UBA6: variants seen among roughly 807,000 people sequenced by gnomAD.
UBA6 encodes ubiquitin-like modifier-activating enzyme 6.
Under a neutral mutation model 148.3 loss-of-function variants are expected in UBA6, and 87 were observed. The ratio of observed to expected loss-of-function variants is 0.59; its 90% CI spans 0.49 to 0.70. The LOEUF is 0.70. Ranked by LOEUF, UBA6 falls within the 30% of genes least tolerant of loss-of-function variation. The probability of loss-of-function intolerance (pLI) is 0.00; values close to 1 mark genes in which losing one functional copy is unlikely to be tolerated. For synonymous variants in UBA6, 376 were observed against 401.0 expected (o/e 0.94, Z 0.75); for missense variants, 1,186 against 1,241.2 (o/e 0.96, Z 0.67).
At chr4:67,651,976 A>G in intron 13 of UBA6, among the ~76,000 whole-genome samples, 1 of 151,650 alleles carries the variant, frequency 6.6e-6, no homozygotes, top group East Asian at 1.9e-4. Flanking sequence ...AAAGTCATGT[A>G]CACTGATCTG....
At chr4:67,632,498 T>A (rs1001433117) in intron 23 of UBA6, among the ~76,000 whole-genome samples, 30 of 151,958 alleles carry the variant, frequency 2.0e-4, no homozygotes, top group Non-Finnish European at 3.5e-4. Flanking sequence ...AAAAAAAGTT[T>A]AAAAAAAATG....
chr4:67,698,304 T>C (rs1269560395), intron 1 of UBA6, among the ~76,000 whole-genome samples: 1 of 152,190 alleles, frequency 6.6e-6, no homozygotes, highest in Non-Finnish European at 1.5e-5. Flanking sequence ...GTTAACTGTC[T>C]GCCACTACTA....
At chr4:67,697,246 C>G (rs898923147) in intron 1 of UBA6, among the ~76,000 whole-genome samples, 11 of 152,184 alleles carry the variant, frequency 7.2e-5, no homozygotes, top group Non-Finnish European at 1.6e-4. Flanking sequence ...CTCAAGAGAT[C>G]CACCCGCCTC....
At chr4:67,699,554 T>C (rs1379291874) in intron 1 of UBA6, among the ~76,000 whole-genome samples, 1 of 97,298 alleles carries the variant, frequency 1.0e-5, no homozygotes, top group Non-Finnish European at 2.4e-5. Context: ...ATACACAATA[T>C]ACCCTGTTTG....
intron 2 of UBA6, among the ~76,000 whole-genome samples, chr4:67,686,342 C>G (rs1418797130): frequency 6.6e-6 from 1 of 152,132 alleles, no homozygotes; most frequent in Non-Finnish European, 1.5e-5. Flanking sequence ...CAATTCCAAG[C>G]ATAACATCAT....
chr4:67,646,926 AAT>A (rs1334177654), intron 14 of UBA6, 135 bp from the exon 15 acceptor site: 1 of 253,760 alleles, frequency 3.9e-6, no homozygotes, highest in Non-Finnish European at 7.1e-6. Flanking sequence ...AATATTTAAA[AAT>A]ATAATTAAAA....
At chr4:67,637,595 ATTC>A (rs1264878703) in intron 19 of UBA6, among the ~76,000 whole-genome samples, 2 of 130,876 alleles carry the variant, frequency 1.5e-5, no homozygotes, top group Non-Finnish European at 3.3e-5. Flanking sequence ...ACTAAGAAAA[ATTC>A]TTCTGCCTTG....
rs1468331140 is a variant in UBA6 at position 67,633,992 on chromosome 4, TC to T, written c.2013+249del. 5.9e-5 allele frequency among the ~76,000 whole-genome samples: 9 copies of T among 152,210 alleles called. 1 individual carries two copies. Among genetic ancestry groups the T allele is most frequent in the African/African-American group, 2.2e-4 (9 of 41,580 alleles). ...TAGCCCTTCTATCATAATTATCATA[TC>T]TTTATTAGCTCGCACCATACGAATT... On this transcript the variant is annotated intron_variant, in intron 22 of 32. Transcript: ENST00000322244.
chr4:67,619,413 C>T (rs1211414038), intron 32 of UBA6, among the ~76,000 whole-genome samples: 5 of 152,216 alleles, frequency 3.3e-5, no homozygotes, highest in Non-Finnish European at 4.4e-5. Context: ...TGGTGGCTCA[C>T]GCCTGTAATC....
rs546798593 is a variant in UBA6, at chr4:67,686,083, G to A, written c.135-3870C>T. On this transcript the variant is annotated intron_variant, in intron 2 of 32. Coordinates refer to ENST00000322244, the MANE Select transcript of UBA6 (RefSeq NM_018227.6). ...GCAAGTCCAGCATTGTTACATTACA[G>A]CTGACTCATACTAAGTGACCATATA... Among the ~76,000 whole-genome samples the A allele has an allele frequency of 2.8e-4, 43 of 152,294 alleles. 1 individual carries two copies. In the South Asian group the frequency reaches 8.7e-3, roughly 31 times the overall value.
chr4:67,672,585 G>A (rs924723416), intron 7 of UBA6, among the ~76,000 whole-genome samples: 3 of 152,126 alleles, frequency 2.0e-5, no homozygotes, highest in Admixed American at 6.6e-5. Context: ...TGTCTTCGAA[G>A]ATCTTGTAAC....
At chr4:67,696,103 A>C (rs959113509) in intron 2 of UBA6, among the ~76,000 whole-genome samples, 6 of 152,116 alleles carry the variant, frequency 3.9e-5, no homozygotes, top group African/African-American at 1.4e-4. Context: ...TCCACTGTCT[A>C]TAAATTACAG....
intron 2 of UBA6, among the ~76,000 whole-genome samples, chr4:67,694,644 G>A (rs1577844951): frequency 1.3e-5 from 2 of 152,152 alleles, no homozygotes; most frequent in African/African-American, 4.8e-5. Flanking sequence ...TGATCCACCC[G>A]CCTCGGCCTC....
At chr4:67,653,091 G>A (rs1305276762) in intron 13 of UBA6, among the ~76,000 whole-genome samples, 1 of 152,174 alleles carries the variant, frequency 6.6e-6, no homozygotes, top group Non-Finnish European at 1.5e-5. Flanking sequence ...CAACCTCTGT[G>A]GGCAGGGCTT....
intron 13 of UBA6, chr4:67,661,983 TA>T (rs1560491685): frequency 4.3e-6 from 2 of 464,978 alleles, no homozygotes; most frequent in Non-Finnish European, 3.8e-6. Flanking sequence ...TTTACAAAAT[TA>T]AATTATTTAA....
chr4:67,691,926 AAGTCAT>A (rs1304526477), intron 2 of UBA6, among the ~76,000 whole-genome samples: 16 of 152,234 alleles, frequency 1.1e-4, no homozygotes, highest in African/African-American at 3.9e-4. Context: ...TGCTGAAAGA[AAGTCAT>A]AGACTCTAAC....
intron 17 of UBA6, among the ~76,000 whole-genome samples, chr4:67,641,978 G>A (rs1033309348): frequency 2.0e-5 from 3 of 151,894 alleles, no homozygotes; most frequent in African/African-American, 4.8e-5. Context: ...GAATGTCTCC[G>A]ACTATATTCC....
chr4:67,650,843 A>G (rs555628874), intron 13 of UBA6, among the ~76,000 whole-genome samples: 1 of 152,262 alleles, frequency 6.6e-6, no homozygotes, highest in African/African-American at 2.4e-5. Flanking sequence ...TCATCCTGGG[A>G]GAGAAAGATG....
At chr4:67,619,569 G>A (rs2045529006) in intron 32 of UBA6, among the ~76,000 whole-genome samples, 4 of 152,148 alleles carry the variant, frequency 2.6e-5, no homozygotes, top group South Asian at 4.2e-4. Context: ...CCAGCTACTC[G>A]GGAGGCTGAG....
Sources: allele counts gnomAD v4.1 joint callset (sites outside exome capture counted in the v4.1 genomes callset), GRCh38; gene constraint gnomAD v4.1.1; transcripts MANE v1.5; gene names NCBI Gene and HGNC (gene_info 2026-07-23, HGNC 2026-07-21).